RELN: variants seen among roughly 807,000 people sequenced by gnomAD.
RELN encodes reelin.
A neutral mutation model predicts 427.6 loss-of-function variants in RELN; 108 were observed. The observed-to-expected ratio is 0.25, with a 90% confidence interval of 0.22 to 0.30. The LOEUF (loss-of-function observed/expected upper bound fraction) is 0.30, where lower values mean the gene tolerates loss of function less well. Among genes scored for constraint, RELN ranks in the 10% least tolerant of loss-of-function variants. The probability of loss-of-function intolerance (pLI) is 1.00; values close to 1 mark genes in which losing one functional copy is unlikely to be tolerated. For synonymous variants in RELN, 1,524 were observed against 1,513.4 expected (o/e 1.01, Z -0.16); for missense variants, 3,715 against 4,302.8 (o/e 0.86, Z 3.82).
chr7:103,682,341 T>G lies in RELN; in HGVS notation c.1144-80A>C, dbSNP rs563499346. On this transcript the variant is annotated intron_variant, in intron 10 of 64. Transcript: ENST00000428762. ...CTGTCTTACTCATGTATAATTAGAG[T>G]TTTTAGAAAAGTTATTATATTAGCT... The G allele has an allele frequency of 1.4e-4, 216 of 1,506,662 alleles. No homozygotes were observed. The African/African-American group carries it at 2.6e-3, about 18-fold the overall frequency. 93.3% of individuals were successfully genotyped at this position (1,506,662 alleles called of 1,614,324 possible).
chr7:103,700,872 T>A, intron 9 of RELN, 38 bp downstream of exon 9: 1 of 1,256,992 alleles, frequency 8.0e-7, no homozygotes, highest in South Asian at 1.2e-5. Context: ...ACTCCATCTA[T>A]GTCAGAATTT....
chr7:103,899,976 G>A (rs926375303), intron 2 of RELN, among the ~76,000 whole-genome samples: 3 of 152,104 alleles, frequency 2.0e-5, no homozygotes, highest in Admixed American at 6.6e-5. Context: ...AGAAATAAAG[G>A]GTATTCAATT....
At chr7:103,905,360 T>C (rs1474237171) in intron 2 of RELN, among the ~76,000 whole-genome samples, 11 of 152,264 alleles carry the variant, frequency 7.2e-5, no homozygotes, top group African/African-American at 2.2e-4. Flanking sequence ...AGGAGAGAAA[T>C]GGACAAAGCG....
rs373779686 is a variant in RELN at position 103,732,840 on chromosome 7, C to T, written c.657-4633G>A. 1.3e-4 allele frequency among the ~76,000 whole-genome samples: 20 copies of T among 152,126 alleles called. No homozygotes were observed. In the East Asian group the frequency reaches 1.5e-3, roughly 12 times the overall value. ...AAAAATGTTCTCTATAAGTAGGTTG[C>T]GAAAATTTTCTCCCATTTGTAGGTT... On this transcript the variant is annotated intron_variant, in intron 6 of 64. Coordinates refer to ENST00000428762, the MANE Select transcript of RELN (RefSeq NM_005045.4).
intron 2 of RELN, among the ~76,000 whole-genome samples, chr7:103,909,836 TAA>T (rs1491279325): frequency 1.6e-4 from 6 of 36,960 alleles, no homozygotes; most frequent in Admixed American, 3.5e-4. Context: ...TATATATATT[TAA>T]TATATATATT....
At chr7:103,965,153 G>A (rs1332540728) in intron 1 of RELN, among the ~76,000 whole-genome samples, 1 of 152,134 alleles carries the variant, frequency 6.6e-6, no homozygotes, top group Admixed American at 6.5e-5. Context: ...TTTATTACTT[G>A]CATAGACCTT....
rs780846874 is a variant in RELN, at chr7:103,561,655, C to T, written c.5406G>A (p.Ser1802=). Residue 1802 remains serine (S), a synonymous_variant, in exon 36 of 65, where the codon TCG becomes TCA. Transcript: ENST00000428762. ...PYCVPVVPLP[S]ILKDDFNGNL... Reference sequence around the variant, plus strand: ...TCCCATTGAAATCGTCTTTAAGAATCGAGGGCAGAGGAACAACAGGAACAC... The same window carrying T: ...TCCCATTGAAATCGTCTTTAAGAATTGAGGGCAGAGGAACAACAGGAACAC... The T allele has an allele frequency of 3.7e-5, 59 of 1,613,794 alleles. No homozygotes were observed. The Admixed American group carries it at 4.0e-4, about 11-fold the overall frequency.
Position 103,569,622 on chromosome 7 carries a change from G to A in RELN, c.4588+2562C>T, listed in dbSNP as rs533658078. On this transcript the variant is annotated intron_variant, in intron 31 of 64. Coordinates refer to ENST00000428762, the MANE Select transcript of RELN (RefSeq NM_005045.4). The surrounding 1 kb of genome is among the most constrained non-coding windows in gnomAD (Gnocchi z 4.0). ...TTGGTTTCTGTCTTCCTCCTCATTAGCTTTTTAAGGAGTGCCACATATACC... is the reference window on the plus strand; with the variant it reads ...TTGGTTTCTGTCTTCCTCCTCATTAACTTTTTAAGGAGTGCCACATATACC... Among the ~76,000 whole-genome samples, 6 of 152,266 alleles carry A rather than the reference G, an allele frequency of 3.9e-5. No individual in the cohort carries two copies. The East Asian group carries it at 1.2e-3, about 29-fold the overall frequency.
At chr7:103,658,060 A>G (rs1833060084) in intron 12 of RELN, among the ~76,000 whole-genome samples, 1 of 152,168 alleles carries the variant, frequency 6.6e-6, no homozygotes, top group Non-Finnish European at 1.5e-5. Flanking sequence ...TGTTGGAGGA[A>G]CAATAAACAA....
At chr7:103,863,914 C>T (rs770682522) in intron 2 of RELN, among the ~76,000 whole-genome samples, 3 of 151,814 alleles carry the variant, frequency 2.0e-5, no homozygotes, top group African/African-American at 4.8e-5. Flanking sequence ...AGCAGGCTTT[C>T]AGGAAGATGA....
At chr7:103,965,113 T>C (rs148730217) in intron 1 of RELN, among the ~76,000 whole-genome samples, 1 of 152,342 alleles carries the variant, frequency 6.6e-6, no homozygotes, top group East Asian at 1.9e-4. Flanking sequence ...TAAACCCAAC[T>C]GTGCTTTTTA....
At chr7:103,929,902 C>A (rs1426894992) in intron 1 of RELN, among the ~76,000 whole-genome samples, 1 of 152,218 alleles carries the variant, frequency 6.6e-6, no homozygotes, top group Non-Finnish European at 1.5e-5. Flanking sequence ...AAATGACTGT[C>A]AAAGTGCCAC....
chr7:103,871,733 G>A (rs1420131408), intron 2 of RELN, among the ~76,000 whole-genome samples: 1 of 152,004 alleles, frequency 6.6e-6, no homozygotes, highest in Non-Finnish European at 1.5e-5. Context: ...AGAATACGAT[G>A]AGAGAGAGAA....
At chr7:103,528,761 T>C (rs1829877551) in intron 46 of RELN, among the ~76,000 whole-genome samples, 1 of 149,996 alleles carries the variant, frequency 6.7e-6, no homozygotes, top group Non-Finnish European at 1.5e-5. Context: ...ACTCATGACT[T>C]GAGGTGATTC....
intron 4 of RELN, among the ~76,000 whole-genome samples, chr7:103,769,291 G>A (rs1223405167): frequency 6.6e-6 from 1 of 152,084 alleles, no homozygotes; most frequent in Non-Finnish European, 1.5e-5. Context: ...CTCCCCCTGT[G>A]AATGGGATTA....
At chr7:103,905,071 C>T (rs949639001) in intron 2 of RELN, among the ~76,000 whole-genome samples, 39 of 148,180 alleles carry the variant, frequency 2.6e-4, no homozygotes, top group African/African-American at 9.7e-4. Context: ...ACATCTGCCT[C>T]CGGGGTTCAA....
intron 1 of RELN, among the ~76,000 whole-genome samples, chr7:103,936,765 C>T: frequency 7.6e-6 from 1 of 131,458 alleles, no homozygotes; most frequent in Admixed American, 7.6e-5. Context: ...CACACACACA[C>T]ACACACACAC....
rs145542111 is a variant in RELN, at chr7:103,489,776, G to A, written c.9729C>T (p.Thr3243=). The A allele has an allele frequency of 2.3e-5, 37 of 1,614,002 alleles. No individual in the cohort carries two copies. Among genetic ancestry groups the A allele is most frequent in the East Asian group, 1.6e-4 (7 of 44,870 alleles). The change falls in exon 60 of 65, where the codon ACC becomes ACT. Residue 3243 remains threonine (T), a synonymous_variant. Coordinates refer to ENST00000428762, the MANE Select transcript of RELN (RefSeq NM_005045.4). ...TCTCGTCGCAGATGCAGATGGCACC[G>A]GTCGTGCAGTATCCGTGCCCGCTGC... ...KLCSGHGYCT[T]GAICICDESF... is the part of the protein sequence containing the mutation.
At chr7:103,882,160 A>G (rs147303785) in intron 2 of RELN, among the ~76,000 whole-genome samples, 38 of 152,312 alleles carry the variant, frequency 2.5e-4, no homozygotes, top group African/African-American at 8.2e-4. Context: ...AAAATAACTA[A>G]TGCTATGTTA....
Sources: gnomAD v4.1 joint callset for allele counts (sites outside exome capture counted in the v4.1 genomes callset) on GRCh38, gnomAD v4.1.1 for gene constraint, Gnocchi (gnomAD v3.1) non-coding constraint, MANE v1.5 for transcripts, NCBI Gene and HGNC (gene_info 2026-07-23, HGNC 2026-07-21) for gene names.